UBR3: variants seen among roughly 807,000 people sequenced by gnomAD.
UBR3 encodes the protein E3 ubiquitin-protein ligase UBR3.
A neutral mutation model predicts 243.2 loss-of-function variants in UBR3; 85 were observed. The ratio of observed to expected loss-of-function variants is 0.35; its 90% CI spans 0.29 to 0.42. The LOEUF (loss-of-function observed/expected upper bound fraction) is 0.42. UBR3 is among the 10% of genes least tolerant of loss of function. UBR3 has a pLI of 1.00. For synonymous variants in UBR3, 748 were observed against 799.8 expected (o/e 0.94, Z 1.09); for missense variants, 1,686 against 2,300.8 (o/e 0.73, Z 5.47).
chr2:169,876,931 G>A (rs1020842594), intron 3 of UBR3, among the ~76,000 whole-genome samples: 11 of 152,072 alleles, frequency 7.2e-5, no homozygotes, highest in African/African-American at 2.7e-4. Flanking sequence ...CAACCATCAT[G>A]TCTATGTTTT....
At chr2:169,916,480 C>A (rs2085468642) in intron 11 of UBR3, among the ~76,000 whole-genome samples, 1 of 152,008 alleles carries the variant, frequency 6.6e-6, no homozygotes. Flanking sequence ...CCCTCCTCAT[C>A]CTGCCTGGGC....
At chr2:170,058,900 T>C (rs1047359701) in intron 33 of UBR3, among the ~76,000 whole-genome samples, 1 of 152,194 alleles carries the variant, frequency 6.6e-6, no homozygotes, top group African/African-American at 2.4e-5. Flanking sequence ...CCAAAACATA[T>C]TGAAATCAAA....
intron 37 of UBR3, 134 bp downstream of exon 37, chr2:170,080,157 T>A: frequency 1.2e-6 from 1 of 862,902 alleles, no homozygotes; most frequent in South Asian, 1.9e-5. Flanking sequence ...GTGTGTTTTT[T>A]AATCCAGTAG....
In UBR3 at chr2:170,012,092, A is replaced by G. The variant is rs138522900; in HGVS notation, c.4367+3152A>G. Among the ~76,000 whole-genome samples the G allele has an allele frequency of 1.3e-3, 200 of 152,252 alleles. 2 individuals carry two copies. The highest frequency in any genetic ancestry group is 4.5e-3 in the African/African-American group (189 of 41,560). Reference sequence around the variant, plus strand: ...AGACATCTTTAAATGGTGGGTACTCAATAGAGTGAATGTACCTTCATAGGT... The same window carrying G: ...AGACATCTTTAAATGGTGGGTACTCGATAGAGTGAATGTACCTTCATAGGT... On this transcript the variant is annotated intron_variant, in intron 29 of 38. Transcript: ENST00000272793.
In UBR3 at chr2:169,832,725, G is replaced by A. The variant is rs185565246; in HGVS notation, c.545+4673G>A. Among the ~76,000 whole-genome samples the A allele has an allele frequency of 2.9e-3, 442 of 151,984 alleles. 2 individuals carry two copies. Among genetic ancestry groups the A allele is most frequent in the African/African-American group, 0.01 (415 of 41,422 alleles). ...CGAGGCAGGCGGATCACCTTAAGTC[G>A]GGAGTTCAAGACCAGCCTGACCACA... On this transcript the variant is annotated intron_variant, in intron 1 of 38. Coordinates refer to ENST00000272793, the MANE Select transcript of UBR3 (RefSeq NM_172070.4).
At chr2:169,907,381 A>G (rs547506927) in intron 10 of UBR3, among the ~76,000 whole-genome samples, 1 of 152,088 alleles carries the variant, frequency 6.6e-6, no homozygotes, top group South Asian at 2.1e-4. Context: ...TTGTCATTTA[A>G]TGGTATCTTA....
chr2:170,043,427 C>T (rs572729398), intron 32 of UBR3, among the ~76,000 whole-genome samples: 1 of 152,042 alleles, frequency 6.6e-6, no homozygotes, highest in Admixed American at 6.5e-5. Context: ...GAATTTAATT[C>T]AGTAGAAACA....
intron 26 of UBR3, among the ~76,000 whole-genome samples, chr2:169,996,027 T>C (rs891267015): frequency 1.3e-5 from 2 of 152,234 alleles, no homozygotes; most frequent in African/African-American, 4.8e-5. Context: ...TATGGATAGA[T>C]TTCCAAATAG....
intron 11 of UBR3, among the ~76,000 whole-genome samples, chr2:169,916,071 A>G (rs1411039013): frequency 6.6e-6 from 1 of 152,130 alleles, no homozygotes; most frequent in Non-Finnish European, 1.5e-5. Context: ...CAGTATTTAG[A>G]AAAATCTAGG....
chr2:169,903,701 A>G (rs1311514503), intron 8 of UBR3, among the ~76,000 whole-genome samples: 1 of 152,146 alleles, frequency 6.6e-6, no homozygotes, highest in Non-Finnish European at 1.5e-5. Context: ...AGGTAGTTGA[A>G]TAAGTTGGTT....
chr2:169,971,848 T>G (rs1574314096), intron 24 of UBR3, among the ~76,000 whole-genome samples: 1 of 151,930 alleles, frequency 6.6e-6, no homozygotes, highest in Non-Finnish European at 1.5e-5. Flanking sequence ...CATTCACAAT[T>G]AAAAGAACTA....
chr2:170,007,386 A>G, intron 28 of UBR3, among the ~76,000 whole-genome samples, 196 bp downstream of exon 28: 1 of 152,208 alleles, frequency 6.6e-6, no homozygotes, highest in Non-Finnish European at 1.5e-5. Context: ...ACTTCTCTTT[A>G]GGCTAAATTC....
intron 32 of UBR3, among the ~76,000 whole-genome samples, chr2:170,051,663 A>T (rs115554796): frequency 0.012 from 1,781 of 152,306 alleles, 48 homozygotes; most frequent in African/African-American, 0.04. Flanking sequence ...TCTTTTTAGT[A>T]AAAGAAAAAA....
intron 1 of UBR3, among the ~76,000 whole-genome samples, chr2:169,837,608 A>G (rs2082150171): frequency 1.3e-5 from 2 of 152,238 alleles, no homozygotes; most frequent in Non-Finnish European, 2.9e-5. Flanking sequence ...ACCTAGTCAC[A>G]GAGCAGCAGG....
chr2:169,845,531 G>GTCGTCTTCT (rs1417692949), intron 1 of UBR3, among the ~76,000 whole-genome samples: 1 of 105,184 alleles, frequency 9.5e-6, no homozygotes, highest in African/African-American at 3.9e-5. Flanking sequence ...CGTCGTCGTC[G>GTCGTCTTCT]TCTTCTTCTT....
rs143098519 is a variant in UBR3 at position 170,033,887 on chromosome 2, T to A, written c.4556+4439T>A. On this transcript the variant is annotated intron_variant, in intron 31 of 38. Transcript: ENST00000272793. ...GAAAAACTATATTCCTATTAACTCT[T>A]CCACCCATTTCCTCTTATCCATAGA... Among the ~76,000 whole-genome samples the A allele has an allele frequency of 5.7e-3, 871 of 151,976 alleles. 7 individuals carry two copies. Among genetic ancestry groups the A allele is most frequent in the African/African-American group, 0.02 (822 of 41,522 alleles).
At chr2:169,872,596 A>G (rs1340829206) in intron 2 of UBR3, among the ~76,000 whole-genome samples, 1 of 152,174 alleles carries the variant, frequency 6.6e-6, no homozygotes, top group Non-Finnish European at 1.5e-5. Context: ...TTCCGGGGTC[A>G]TAAATGTTTT....
intron 1 of UBR3, among the ~76,000 whole-genome samples, chr2:169,829,839 ACACACACACACACACG>A (rs1201167311): frequency 2.4e-5 from 3 of 123,508 alleles, no homozygotes; most frequent in Non-Finnish European, 5.7e-5. Flanking sequence ...ACACACACAC[ACACACACACACACACG>A]GAAGTTTTTC....
chr2:170,014,344 G>A (rs1415942893), intron 29 of UBR3: 1 of 136,904 alleles, frequency 7.3e-6, no homozygotes, highest in Non-Finnish European at 1.6e-5. Flanking sequence ...GCTTGAAACT[G>A]TTTTTTTTTC....
Sources: gnomAD v4.1 joint callset for allele counts (sites outside exome capture counted in the v4.1 genomes callset) on GRCh38, gnomAD v4.1.1 for gene constraint, MANE v1.5 for transcripts, NCBI Gene and HGNC (gene_info 2026-07-23, HGNC 2026-07-21) for gene names.